Variants in CAST observed in about 807,000 individuals in gnomAD.
The protein encoded by CAST is calpastatin.
In CAST, 76 loss-of-function variants were observed where a neutral mutation model predicts 119.6. The observed-to-expected ratio is 0.64, with a 90% CI of 0.53 to 0.77. The LOEUF (loss-of-function observed/expected upper bound fraction) is 0.77, where lower values mean the gene tolerates loss of function less well. Ranked by LOEUF, CAST falls within the 30% of genes least tolerant of loss-of-function variation. The probability of loss-of-function intolerance (pLI) is 0.00; values close to 1 mark genes in which losing one functional copy is unlikely to be tolerated. For synonymous variants in CAST, 319 were observed against 331.6 expected (o/e 0.96, Z 0.41); for missense variants, 953 against 946.5 (o/e 1.01, Z -0.09).
the CAST span, among the ~76,000 whole-genome samples, chr5:96,307,906 T>G: frequency 2.0e-5 from 3 of 152,298 alleles, no homozygotes; most frequent in South Asian, 6.2e-4. Context: ...ATTTCAACCT[T>G]GATGAATCTG....
the CAST span, among the ~76,000 whole-genome samples, chr5:96,108,968 G>A: frequency 1.3e-5 from 2 of 152,252 alleles, no homozygotes; most frequent in African/African-American, 2.4e-5. Context: ...CAGTATTTGG[G>A]TGGGAGTGAC....
At chr5:96,746,470 C>T (rs759070756) in intron 17 of CAST, 45 bp downstream of exon 17, 4 of 1,075,900 alleles carry the variant, frequency 3.7e-6, no homozygotes, top group East Asian at 4.7e-5. Context: ...CTTGCCTTTG[C>T]ATCTTGTTTT....
chr5:96,664,373 AT>A (rs1372903032), intron 1 of CAST, among the ~76,000 whole-genome samples: 1 of 149,464 alleles, frequency 6.7e-6, no homozygotes, highest in Non-Finnish European at 1.5e-5. Context: ...GTGTGTGCAT[AT>A]ATATGTGTGT....
rs6888709 is a variant in CAST at position 96,693,609 on chromosome 5, G to T, written c.139-2227G>T. Among the ~76,000 whole-genome samples the T allele has an allele frequency of 3.9e-5, 6 of 152,334 alleles. No individual in the cohort carries two copies. The East Asian group carries it at 9.6e-4, about 24-fold the overall frequency. On this transcript the variant is annotated intron_variant, in intron 2 of 31. Transcript: ENST00000675179. ...TCAGTTTCCTCGCTGGAAAATGAGAGGTTGAGATAGGTAATGAAGTTGAAA... is the reference window on the plus strand; with the variant it reads ...TCAGTTTCCTCGCTGGAAAATGAGATGTTGAGATAGGTAATGAAGTTGAAA...
the CAST span, among the ~76,000 whole-genome samples, chr5:96,200,337 A>G: frequency 1.3e-5 from 2 of 152,144 alleles, no homozygotes; most frequent in Admixed American, 6.5e-5. Context: ...TTTGAAATTC[A>G]TTTAAGATGA....
At chr5:96,073,020 T>C in the CAST span, among the ~76,000 whole-genome samples, 1 of 152,350 alleles carries the variant, frequency 6.6e-6, no homozygotes, top group East Asian at 1.9e-4. Flanking sequence ...GATTGTTTAT[T>C]CCACAGGCCT....
At chr5:96,373,353 T>C in the CAST span, among the ~76,000 whole-genome samples, 1 of 152,248 alleles carries the variant, frequency 6.6e-6, no homozygotes, top group Non-Finnish European at 1.5e-5. Flanking sequence ...ATGAAATGTC[T>C]TAGATTCTGT....
the CAST span, among the ~76,000 whole-genome samples, chr5:95,964,023 A>G: frequency 6.6e-6 from 1 of 152,280 alleles, no homozygotes; most frequent in Admixed American, 6.5e-5. Context: ...AAAAATTATA[A>G]TAGGAAAATT....
intron 1 of CAST, among the ~76,000 whole-genome samples, chr5:96,548,581 G>T (rs568606043): frequency 2.0e-4 from 30 of 151,928 alleles, no homozygotes; most frequent in African/African-American, 6.5e-4. Context: ...CCTCTGCTAC[G>T]CTGGGTGTCA....
the CAST span, among the ~76,000 whole-genome samples, chr5:96,516,434 T>C: frequency 3.3e-5 from 5 of 152,210 alleles, no homozygotes; most frequent in Non-Finnish European, 7.3e-5. Context: ...TTTTAATTAC[T>C]ATGGAACAAA....
the CAST span, among the ~76,000 whole-genome samples, chr5:96,231,417 CAG>C: frequency 3.3e-5 from 5 of 152,036 alleles, no homozygotes; most frequent in African/African-American, 1.2e-4. Context: ...ATTCACAAAA[CAG>C]AATAGAATAA....
the CAST span, among the ~76,000 whole-genome samples, chr5:96,366,520 T>C: frequency 7.2e-5 from 11 of 152,230 alleles, no homozygotes; most frequent in Non-Finnish European, 1.6e-4. Flanking sequence ...GGAGGCTTTG[T>C]TCCTTTCTTT....
chr5:96,246,158 G>C, the CAST span, among the ~76,000 whole-genome samples: 1 of 146,980 alleles, frequency 6.8e-6, no homozygotes, highest in East Asian at 2.0e-4. Flanking sequence ...GCATATCCAA[G>C]GGTGGATCCT....
chr5:96,008,508 C>T, the CAST span, among the ~76,000 whole-genome samples: 2 of 152,056 alleles, frequency 1.3e-5, no homozygotes, highest in Admixed American at 6.6e-5. Flanking sequence ...GGTTACAATG[C>T]TCTGTTTTTT....
At chr5:96,468,313 C>G in the CAST span, among the ~76,000 whole-genome samples, 2 of 152,010 alleles carry the variant, frequency 1.3e-5, no homozygotes, top group African/African-American at 4.8e-5. Flanking sequence ...GCGCTAAAAT[C>G]TCAGACTTCA....
intron 2 of CAST, among the ~76,000 whole-genome samples, chr5:96,681,705 C>T (rs1418498857): frequency 2.8e-5 from 4 of 141,262 alleles, no homozygotes; most frequent in African/African-American, 8.0e-5. Context: ...TGCACTCCAG[C>T]CTGGGCGACA....
chr5:95,987,685 T>C, the CAST span, among the ~76,000 whole-genome samples: 1 of 152,202 alleles, frequency 6.6e-6, no homozygotes, highest in Non-Finnish European at 1.5e-5. Context: ...AGTTTCTCTA[T>C]CTGTAAAATT....
In CAST at chr5:96,679,796, CA is replaced by C. The variant is rs374670003; in HGVS notation, c.138+4196del. Among the ~76,000 whole-genome samples the C allele has an allele frequency of 2.1e-3, 318 of 152,102 alleles. 1 individual carries two copies. The highest frequency in any genetic ancestry group is 6.7e-3 in the African/African-American group (278 of 41,486). ...TGAATTCAATGTTGAATGACTCAAA[CA>C]TTTTTTTTTTACTTTTTTCTTTTAA... On this transcript the variant is annotated intron_variant, in intron 2 of 31. Coordinates refer to ENST00000675179, the MANE Select transcript of CAST (RefSeq NM_001750.7).
chr5:96,760,494 A>G (rs1235920453), intron 24 of CAST, among the ~76,000 whole-genome samples: 4 of 151,966 alleles, frequency 2.6e-5, no homozygotes. Context: ...AGCAGAAACT[A>G]TGAAAAGTTT....
Sources: allele counts gnomAD v4.1 joint callset (sites outside exome capture counted in the v4.1 genomes callset), GRCh38; gene constraint gnomAD v4.1.1; transcripts MANE v1.5; gene names NCBI Gene and HGNC (gene_info 2026-07-23, HGNC 2026-07-21).